SLC7A7: variants seen among roughly 807,000 people sequenced by gnomAD.
The protein encoded by SLC7A7 is solute carrier family 7 member 7.
In SLC7A7, 39 loss-of-function variants were observed where a neutral mutation model predicts 47.9. The observed-to-expected ratio is 0.81, with a 90% CI of 0.63 to 1.06. The LOEUF is 1.06. SLC7A7 is among the 50% of genes least tolerant of loss of function. The pLI, the probability that SLC7A7 is intolerant of heterozygous loss-of-function variation, is 0.00. For synonymous variants in SLC7A7, 234 were observed against 242.8 expected, an observed-to-expected ratio of 0.96 and a Z score of 0.34; for missense variants, 588 against 632.0, an observed-to-expected ratio of 0.93 and a Z score of 0.75.
Position 22,776,210 on chromosome 14 carries a change from A to C in SLC7A7, c.879T>G (p.Ser293Arg), listed in dbSNP as rs2038602416. ...AATCCTTTACCACAGCAACAGCATCACTGGCCAAGATGTCTCTCATGTCTA... is the reference window on the plus strand; with the variant it reads ...AATCCTTTACCACAGCAACAGCATCCCTGGCCAAGATGTCTCTCATGTCTA... Reference protein sequence around the residue: ...TVLDMRDILASDAVAVTFADQ... With the variant: ...TVLDMRDILARDAVAVTFADQ... Residue 293 changes from serine (S) to arginine (R), a missense_variant, in exon 5 of 10, where the codon AGT becomes AGG. By Grantham distance (110) the Ser-to-Arg change is moderately radical (BLOSUM62 -1). Transcript: ENST00000674313. The C allele has an allele frequency of 6.2e-7, 1 of 1,614,066 alleles. No homozygotes were observed. Among genetic ancestry groups the C allele is most frequent in the African/African-American group, 1.3e-5 (1 of 74,930 alleles).
intron 2 of SLC7A7, among the ~76,000 whole-genome samples, chr14:22,800,763 A>G (rs2039099018): frequency 6.6e-6 from 1 of 152,054 alleles, no homozygotes; most frequent in East Asian, 1.9e-4. Context: ...ACACGGTGAA[A>G]CCCCGTCTCT....
At position 22,778,954 on chromosome 14, in the gene SLC7A7, T is replaced by C. The variant is rs752184529; in HGVS notation, c.626-17A>G. 8.1e-6 allele frequency: 13 copies of C among 1,613,334 alleles called. No homozygotes were observed. The highest frequency in any genetic ancestry group is 3.3e-5 in the Admixed American group (2 of 59,934). On this transcript the variant is annotated splice_polypyrimidine_tract_variant and intron_variant, in intron 3 of 9. Coordinates refer to ENST00000674313, the MANE Select transcript of SLC7A7 (RefSeq NM_003982.4). ...TAGAGGCTCCTGGAACCCAAGAACA[T>C]TGGAAGGCAGGGGATTAGTGGCTCA...
intron 2 of SLC7A7, among the ~76,000 whole-genome samples, chr14:22,809,401 C>T (rs1013057413): frequency 2.7e-5 from 4 of 146,800 alleles, no homozygotes; most frequent in Non-Finnish European, 5.9e-5. Flanking sequence ...CGTGCAATGG[C>T]GCGATCTCTG....
chr14:22,796,193 G>A (rs773317203), intron 2 of SLC7A7, among the ~76,000 whole-genome samples: 10 of 152,006 alleles, frequency 6.6e-5, no homozygotes, highest in South Asian at 2.1e-4. Context: ...GCAAAAGTCC[G>A]TTGGGGGGCC....
At chr14:22,785,526 G>A (rs1461252606) in intron 2 of SLC7A7, among the ~76,000 whole-genome samples, 9 of 151,734 alleles carry the variant, frequency 5.9e-5, no homozygotes, top group Admixed American at 2.0e-4. Flanking sequence ...TTGGGAGTTC[G>A]AGACCAGCCT....
At position 22,813,199 on chromosome 14, in the gene SLC7A7, G is replaced by A. The variant is rs2039347696; in HGVS notation, c.200C>T (p.Ala67Val). ...VSPKGVLIYS[A>V]SFGLSLVIWA... ...GATGACCAGAGAGAGACCAAAGGAG[G>A]CACTGTATATGAGCACACCCTTGGG... The change falls in exon 2 of 10, where the codon GCC becomes GTC. Residue 67 changes from alanine to valine, a missense_variant. Coordinates refer to ENST00000674313, the MANE Select transcript of SLC7A7 (RefSeq NM_003982.4). The A allele has an allele frequency of 6.2e-7, 1 of 1,614,200 alleles. No individual in the cohort carries two copies. The highest frequency in any genetic ancestry group is 8.5e-7 in the Non-Finnish European group (1 of 1,180,034).
intron 2 of SLC7A7, among the ~76,000 whole-genome samples, chr14:22,790,863 T>C (rs1211795615): frequency 6.6e-6 from 1 of 151,954 alleles, no homozygotes; most frequent in Non-Finnish European, 1.5e-5. Flanking sequence ...CTGGGTGTGG[T>C]GGTGTGCGCC....
At chr14:22,814,246 G>A (rs1440950109) in intron 1 of SLC7A7, among the ~76,000 whole-genome samples, 1 of 151,658 alleles carries the variant, frequency 6.6e-6, no homozygotes. Flanking sequence ...CACTTTGGGA[G>A]GCCAAGGCGG....
chr14:22,811,003 C>G (rs1415404822), intron 2 of SLC7A7, among the ~76,000 whole-genome samples: 1 of 151,966 alleles, frequency 6.6e-6, no homozygotes, highest in African/African-American at 2.4e-5. Flanking sequence ...TCAGTGAAAA[C>G]CCCCTTCTTG....
rs938895205 is a variant in SLC7A7 at position 22,796,199 on chromosome 14, G to A, written c.500-16148C>T. ...GTTCAAAGGGCAAAAGTCCGTTGGG[G>A]GGCCCAGCATCTGACTGTTCCACCT... On this transcript the variant is annotated intron_variant, in intron 2 of 9. Coordinates refer to ENST00000674313, the MANE Select transcript of SLC7A7 (RefSeq NM_003982.4). Among the ~76,000 whole-genome samples the A allele has an allele frequency of 5.9e-5, 9 of 152,100 alleles. No individual in the cohort carries two copies. The East Asian group carries it at 1.7e-3, about 29-fold the overall frequency.
At chr14:22,805,856 TC>T (rs1165833812) in intron 2 of SLC7A7, among the ~76,000 whole-genome samples, 19 of 152,096 alleles carry the variant, frequency 1.2e-4, no homozygotes, top group Non-Finnish European at 2.4e-4. Flanking sequence ...TGTACATACA[TC>T]AAAGGCCGAG....
At chr14:22,775,090 A>AAG (rs1289971433) in intron 7 of SLC7A7, among the ~76,000 whole-genome samples, 1 of 49,206 alleles carries the variant, frequency 2.0e-5, no homozygotes, top group East Asian at 1.3e-3. Context: ...GGTGGATTTT[A>AAG]AGACACACAC....
intron 2 of SLC7A7, among the ~76,000 whole-genome samples, chr14:22,799,444 C>CT (rs2039072654): frequency 2.7e-5 from 3 of 109,772 alleles, no homozygotes; most frequent in South Asian, 3.0e-4. Context: ...TTATTTTTTT[C>CT]TTTCTTTTTT....
intron 3 of SLC7A7, among the ~76,000 whole-genome samples, 165 bp downstream of exon 3, chr14:22,779,761 C>T (rs573159189): frequency 6.6e-5 from 10 of 152,020 alleles, no homozygotes; most frequent in South Asian, 2.1e-4. Context: ...GCCCAAGGTA[C>T]TTAATTCTGC....
At chr14:22,813,886 G>A (rs907073321) in intron 1 of SLC7A7, among the ~76,000 whole-genome samples, 1 of 150,768 alleles carries the variant, frequency 6.6e-6, no homozygotes, top group Non-Finnish European at 1.5e-5. Context: ...CGCCTCCCGG[G>A]TTCAAGTGAT....
At chr14:22,782,367 T>G (rs1425092650) in intron 2 of SLC7A7, among the ~76,000 whole-genome samples, 1 of 151,814 alleles carries the variant, frequency 6.6e-6, no homozygotes, top group East Asian at 1.9e-4. Context: ...CCTCCCAAAG[T>G]GCTGGGATTA....
chr14:22,783,319 A>C (rs1209153267), intron 2 of SLC7A7, among the ~76,000 whole-genome samples: 1 of 151,662 alleles, frequency 6.6e-6, no homozygotes, highest in Non-Finnish European at 1.5e-5. Flanking sequence ...CACCTCAGCT[A>C]TCTGAGGAGT....
chr14:22,805,746 C>A (rs2039190867), intron 2 of SLC7A7, among the ~76,000 whole-genome samples: 1 of 152,032 alleles, frequency 6.6e-6, no homozygotes, highest in Non-Finnish European at 1.5e-5. Context: ...AGCTGCACAT[C>A]CTGCACATGT....
chr14:22,774,138 C>G (rs1566439044), intron 8 of SLC7A7, 22 bp from the exon 9 acceptor site: 1 of 1,612,922 alleles, frequency 6.2e-7, no homozygotes, highest in Admixed American at 1.7e-5. Flanking sequence ...GGAAACATAA[C>G]TGGAGTGGAC....
Sources: allele counts gnomAD v4.1 joint callset (sites outside exome capture counted in the v4.1 genomes callset), GRCh38; gene constraint gnomAD v4.1.1; transcripts MANE v1.5; gene names NCBI Gene and HGNC (gene_info 2026-07-23, HGNC 2026-07-21).